The following CNTNAP2 variants were observed in gnomAD, a reference collection of about 807,000 sequenced individuals.
CNTNAP2 encodes contactin-associated protein-like 2.
In CNTNAP2, 98 loss-of-function variants were observed where a neutral mutation model predicts 155.2. The observed-to-expected ratio is 0.63, with a 90% CI of 0.54 to 0.75. The LOEUF is 0.75. CNTNAP2 is among the 30% of genes least tolerant of loss of function. The probability of loss-of-function intolerance (pLI) is 0.00; values close to 1 mark genes in which losing one functional copy is unlikely to be tolerated. For synonymous variants in CNTNAP2, 651 were observed against 631.2 expected, an observed-to-expected ratio of 1.03 and a Z score of -0.47; for missense variants, 1,727 against 1,688.1, an observed-to-expected ratio of 1.02 and a Z score of -0.40.
chr7:146,730,962 G>T (rs78002383), intron 1 of CNTNAP2, among the ~76,000 whole-genome samples: 1 of 152,222 alleles, frequency 6.6e-6, no homozygotes, highest in Non-Finnish European at 1.5e-5. Flanking sequence ...CACAAACTAG[G>T]ACCGTGCTAA....
At chr7:146,652,380 C>T (rs534644121) in intron 1 of CNTNAP2, among the ~76,000 whole-genome samples, 1 of 152,196 alleles carries the variant, frequency 6.6e-6, no homozygotes, top group South Asian at 2.1e-4. Flanking sequence ...CTTCTGTTTT[C>T]ATTATTTATT....
At position 147,361,342 on chromosome 7, in the gene CNTNAP2, T is replaced by G. The variant is rs1251721892; in HGVS notation, c.1499-34267T>G. On this transcript the variant is annotated intron_variant, in intron 9 of 23. Transcript: ENST00000361727. ...TGCTATATGAACACTAATAATATAA[T>G]GTTAGGTTATTCAGTTTTGTGTGCA... Among the ~76,000 whole-genome samples the G allele has an allele frequency of 2.0e-5, 3 of 152,200 alleles. 1 individual carries two copies. In the East Asian group the frequency reaches 5.8e-4, roughly 29 times the overall value.
At chr7:147,543,386 A>G (rs1799672950) in intron 11 of CNTNAP2, among the ~76,000 whole-genome samples, 1 of 152,196 alleles carries the variant, frequency 6.6e-6, no homozygotes, top group Non-Finnish European at 1.5e-5. Context: ...TGTTAGGGCC[A>G]TTATGAACAT....
chr7:146,828,708 C>T (rs180746455), intron 2 of CNTNAP2, among the ~76,000 whole-genome samples: 10 of 152,196 alleles, frequency 6.6e-5, no homozygotes, highest in Non-Finnish European at 8.8e-5. Flanking sequence ...TAAGATTATA[C>T]ATCATTTATA....
intron 1 of CNTNAP2, among the ~76,000 whole-genome samples, chr7:146,307,960 A>T (rs1016587008): frequency 2.0e-5 from 3 of 152,214 alleles, no homozygotes; most frequent in Non-Finnish European, 4.4e-5. Flanking sequence ...TGACAACAAA[A>T]GTCAACATTG....
At chr7:148,355,602 A>C (rs1348566278) in intron 21 of CNTNAP2, among the ~76,000 whole-genome samples, 2 of 152,202 alleles carry the variant, frequency 1.3e-5, no homozygotes, top group African/African-American at 4.8e-5. Context: ...AAAATGTATA[A>C]TATGACCTAG....
intron 3 of CNTNAP2, among the ~76,000 whole-genome samples, chr7:147,022,507 T>C (rs1424672229): frequency 6.6e-6 from 1 of 152,078 alleles, no homozygotes; most frequent in Non-Finnish European, 1.5e-5. Context: ...CACATATATA[T>C]GTACTCTATA....
intron 1 of CNTNAP2, among the ~76,000 whole-genome samples, chr7:146,382,221 C>T (rs1381184949): frequency 2.0e-5 from 3 of 152,126 alleles, no homozygotes; most frequent in East Asian, 1.9e-4. Context: ...GTAGATGTCA[C>T]CTAGACTTCC....
In CNTNAP2 at chr7:146,803,666, A is replaced by G. The variant is rs1261827453; in HGVS notation, c.208+29285A>G. Reference sequence around the variant, plus strand: ...TAGATTATACTTCCTGGAAATATAGATGCATATAATTTTAAAGATATAATC... The same window carrying G: ...TAGATTATACTTCCTGGAAATATAGGTGCATATAATTTTAAAGATATAATC... On this transcript the variant is annotated intron_variant, in intron 2 of 23. Coordinates refer to ENST00000361727, the MANE Select transcript of CNTNAP2 (RefSeq NM_014141.6). Among the ~76,000 whole-genome samples, 5 of 152,326 alleles carry G rather than the reference A, an allele frequency of 3.3e-5. No individual in the cohort carries two copies. The South Asian group carries it at 6.2e-4, about 19-fold the overall frequency.
At position 146,225,361 on chromosome 7, in the gene CNTNAP2, A is replaced by T. The variant is rs559767422; in HGVS notation, c.97+108388A>T. Among the ~76,000 whole-genome samples, 23 of 152,296 alleles carry T rather than the reference A, an allele frequency of 1.5e-4. No individual in the cohort carries two copies. The East Asian group carries it at 4.4e-3, about 29-fold the overall frequency. ...ATCACATCCAGGAAGAATTTTTTAA[A>T]CTGACAGGTGAAGTTATTTTACTAT... On this transcript the variant is annotated intron_variant, in intron 1 of 23. Transcript: ENST00000361727.
At chr7:147,518,727 A>AAG (rs1489539670) in intron 11 of CNTNAP2, among the ~76,000 whole-genome samples, 3 of 152,042 alleles carry the variant, frequency 2.0e-5, no homozygotes, top group South Asian at 2.1e-4. Flanking sequence ...CCACCCTGAA[A>AAG]AGAGACCTTA....
intron 2 of CNTNAP2, among the ~76,000 whole-genome samples, chr7:146,791,856 C>T (rs1378442750): frequency 6.6e-6 from 1 of 152,082 alleles, no homozygotes; most frequent in Non-Finnish European, 1.5e-5. Context: ...GATCTAAAAC[C>T]CTGTGATGCT....
intron 12 of CNTNAP2, among the ~76,000 whole-genome samples, chr7:147,629,231 G>C (rs1584866720): frequency 6.6e-6 from 1 of 151,834 alleles, no homozygotes; most frequent in East Asian, 1.9e-4. Flanking sequence ...GTAAAACCCT[G>C]TCTTTACTAA....
chr7:146,828,864 G>A (rs1803457413), intron 2 of CNTNAP2, among the ~76,000 whole-genome samples: 2 of 152,034 alleles, frequency 1.3e-5, no homozygotes, highest in Non-Finnish European at 2.9e-5. Context: ...ATAAGGGTAT[G>A]TTTGTTTTTA....
intron 21 of CNTNAP2, among the ~76,000 whole-genome samples, chr7:148,326,070 C>G (rs1391026130): frequency 6.6e-6 from 1 of 151,996 alleles, no homozygotes; most frequent in Non-Finnish European, 1.5e-5. Context: ...ACGTGGGGAG[C>G]TTTTAAAAAC....
intron 3 of CNTNAP2, among the ~76,000 whole-genome samples, chr7:146,986,492 T>C (rs1294184300): frequency 6.6e-6 from 1 of 152,198 alleles, no homozygotes; most frequent in African/African-American, 2.4e-5. Context: ...TTTCATTTAG[T>C]GACTCATTTA....
At chr7:148,014,960 C>A (rs957687885) in intron 15 of CNTNAP2, among the ~76,000 whole-genome samples, 1 of 152,136 alleles carries the variant, frequency 6.6e-6, no homozygotes, top group Non-Finnish European at 1.5e-5. Context: ...ATGTGAAGTT[C>A]TTGTGAGAAG....
intron 13 of CNTNAP2, among the ~76,000 whole-genome samples, chr7:147,891,887 C>A (rs540992626): frequency 6.6e-6 from 1 of 152,098 alleles, no homozygotes; most frequent in Non-Finnish European, 1.5e-5. Context: ...AGGCCAAAGT[C>A]ATTCATGAAT....
intron 10 of CNTNAP2, among the ~76,000 whole-genome samples, chr7:147,466,368 GTTTTTACAC>G (rs1413235530): frequency 6.6e-6 from 1 of 152,138 alleles, no homozygotes; most frequent in African/African-American, 2.4e-5. Context: ...CTTATGGCCA[GTTTTTACAC>G]AGAATGGTGG....
Sources: gnomAD v4.1 joint callset for allele counts (sites outside exome capture counted in the v4.1 genomes callset) on GRCh38, gnomAD v4.1.1 for gene constraint, MANE v1.5 for transcripts, NCBI Gene and HGNC (gene_info 2026-07-23, HGNC 2026-07-21) for gene names.